The following TMEM132B variants were observed in gnomAD, a reference collection of about 807,000 sequenced individuals.
The protein encoded by TMEM132B is transmembrane protein 132B.
In TMEM132B, 18 loss-of-function variants were observed where a neutral mutation model predicts 90.8. The ratio of observed to expected loss-of-function variants is 0.20; its 90% confidence interval spans 0.14 to 0.29. TMEM132B has a LOEUF of 0.29. Ranked by LOEUF, TMEM132B falls within the 10% of genes least tolerant of loss-of-function variation. The probability of loss-of-function intolerance (pLI) is 1.00; values close to 1 mark genes in which losing one functional copy is unlikely to be tolerated. For missense variants in TMEM132B, 1,096 were observed against 1,326.8 expected, an observed-to-expected ratio of 0.83 and a Z score of 2.70; for synonymous variants, 504 against 523.3, an observed-to-expected ratio of 0.96 and a Z score of 0.50.
intron 1 of TMEM132B, among the ~76,000 whole-genome samples, chr12:125,215,656 C>T (rs1025977681): frequency 3.9e-5 from 6 of 152,300 alleles, no homozygotes; most frequent in Non-Finnish European, 5.9e-5. Flanking sequence ...ATTCTCCTGC[C>T]GCAGCCTCCC....
At chr12:125,373,736 A>T (rs1878380851) in intron 2 of TMEM132B, among the ~76,000 whole-genome samples, 1 of 151,920 alleles carries the variant, frequency 6.6e-6, no homozygotes, top group Admixed American at 6.6e-5. Flanking sequence ...CCCCTTTCTA[A>T]CCTGTGTTTT....
At chr12:125,291,265 A>T (rs1289342632) in intron 1 of TMEM132B, among the ~76,000 whole-genome samples, 5 of 152,220 alleles carry the variant, frequency 3.3e-5, no homozygotes, top group African/African-American at 1.2e-4. Context: ...CTAACCTTAG[A>T]CTTTCAACCC....
intron 5 of TMEM132B, among the ~76,000 whole-genome samples, chr12:125,623,080 G>A (rs1033646186): frequency 2.6e-5 from 4 of 152,102 alleles, no homozygotes; most frequent in African/African-American, 9.7e-5. Context: ...CAGTAGGTTC[G>A]GGGAGTGCAG....
intron 4 of TMEM132B, among the ~76,000 whole-genome samples, chr12:125,527,338 C>CATTTACCT (rs1883508326): frequency 7.1e-6 from 1 of 140,660 alleles, no homozygotes; most frequent in Admixed American, 7.0e-5. Flanking sequence ...CCCATCCACC[C>CATTTACCT]TTCCATCCAC....
chr12:125,500,936 GAGGGCCTAAGGATAGGA>G (rs1882681289), intron 3 of TMEM132B, among the ~76,000 whole-genome samples: 1 of 152,208 alleles, frequency 6.6e-6, no homozygotes. Context: ...TAGTAATTGG[GAGGGCCTAAGGATAGGA>G]AGGTTTTGAA....
At chr12:125,220,131 G>A (rs933562066) in intron 1 of TMEM132B, among the ~76,000 whole-genome samples, 1 of 152,208 alleles carries the variant, frequency 6.6e-6, no homozygotes, top group Non-Finnish European at 1.5e-5. Context: ...TAATATACAA[G>A]CAACTACTAA....
intron 5 of TMEM132B, among the ~76,000 whole-genome samples, chr12:125,605,167 C>A (rs1885662706): frequency 6.6e-6 from 1 of 152,210 alleles, no homozygotes; most frequent in Non-Finnish European, 1.5e-5. Flanking sequence ...ACAGCAGACA[C>A]CTTCTGGGCA....
intron 1 of TMEM132B, among the ~76,000 whole-genome samples, chr12:125,222,347 G>A (rs762836572): frequency 2.0e-5 from 3 of 152,176 alleles, no homozygotes; most frequent in Admixed American, 1.3e-4. Context: ...AGGAAAATAA[G>A]GGAGAATTGC....
chr12:125,530,966 T>C (rs1046868429), intron 4 of TMEM132B, among the ~76,000 whole-genome samples: 6 of 152,328 alleles, frequency 3.9e-5, no homozygotes, highest in Non-Finnish European at 7.3e-5. Flanking sequence ...CATTAACCAC[T>C]TAGATCCGGG....
intron 3 of TMEM132B, among the ~76,000 whole-genome samples, chr12:125,454,779 G>A (rs748948919): frequency 6.6e-6 from 1 of 152,164 alleles, no homozygotes; most frequent in Non-Finnish European, 1.5e-5. Flanking sequence ...TTAACAAGTG[G>A]ATATGATGCC....
intron 2 of TMEM132B, among the ~76,000 whole-genome samples, chr12:125,392,060 C>T (rs1264822566): frequency 6.6e-6 from 1 of 152,200 alleles, no homozygotes; most frequent in East Asian, 1.9e-4. Flanking sequence ...AGCCACTGTG[C>T]CCGGCCTTAG....
At chr12:125,652,420 G>A (rs1434229883) in intron 7 of TMEM132B, 21 bp from the exon 8 acceptor site, 3 of 1,562,992 alleles carry the variant, frequency 1.9e-6, no homozygotes, top group African/African-American at 2.7e-5. Context: ...AGATGCATGA[G>A]TCTCCTCGCT....
intron 3 of TMEM132B, among the ~76,000 whole-genome samples, chr12:125,464,465 T>C (rs879753098): frequency 1.3e-5 from 2 of 152,186 alleles, no homozygotes; most frequent in Non-Finnish European, 2.9e-5. Context: ...AGACTGTTGC[T>C]TGTCATTTCC....
intron 3 of TMEM132B, among the ~76,000 whole-genome samples, chr12:125,437,440 G>A (rs1045114211): frequency 1.3e-5 from 2 of 152,302 alleles, no homozygotes; most frequent in East Asian, 3.9e-4. Context: ...GTGCTTTTGG[G>A]TAGGTGCCTA....
chr12:125,658,244 C>T lies in TMEM132B; in HGVS notation c.*3534C>T, dbSNP rs1887116735. On this transcript the variant is annotated 3_prime_UTR_variant, in exon 9 of 9. Coordinates refer to ENST00000682704, the MANE Select transcript of TMEM132B (RefSeq NM_001366854.1). The stretch of plus-strand genomic sequence containing the variant: ...TTTGTCCCATTGCCACATCTGTAGA[C>T]TAAGTAATTTTTAACTTGCTAACTT... 1 of 152,230 alleles carries T rather than the reference C, an allele frequency of 6.6e-6. No individual in the cohort carries two copies. Among genetic ancestry groups the T allele is most frequent in the African/African-American group, 2.4e-5 (1 of 41,462 alleles). The allele number at this position is 152,230 out of a possible 1,614,324, so 9.4% of individuals were successfully genotyped here. A position where few individuals can be genotyped will look rare whatever the true frequency, so the allele number is the denominator to read the frequency against.
chr12:125,640,929 GACACACACAC>G (rs60088908), intron 5 of TMEM132B, among the ~76,000 whole-genome samples: 15,635 of 149,394 alleles, frequency 0.1, 1,058 homozygotes, highest in South Asian at 0.21. Flanking sequence ...AGGAGAAATA[GACACACACAC>G]ACACACACAC....
intron 2 of TMEM132B, among the ~76,000 whole-genome samples, chr12:125,363,110 C>T (rs1169645589): frequency 6.6e-6 from 1 of 152,174 alleles, no homozygotes; most frequent in Non-Finnish European, 1.5e-5. Context: ...GGTAGAGTGG[C>T]TCAGAGCTTG....
chr12:125,366,997 C>T (rs1313233063), intron 2 of TMEM132B, among the ~76,000 whole-genome samples: 1 of 152,122 alleles, frequency 6.6e-6, no homozygotes, highest in Non-Finnish European at 1.5e-5. Context: ...AGTTTTCGAT[C>T]TAGACTTTCC....
intron 1 of TMEM132B, among the ~76,000 whole-genome samples, chr12:125,287,827 A>G (rs1875404899): frequency 6.6e-6 from 1 of 152,118 alleles, no homozygotes; most frequent in South Asian, 2.1e-4. Flanking sequence ...ACATTATTCT[A>G]TACCTCTTAG....
Sources: gnomAD v4.1 joint callset for allele counts (sites outside exome capture counted in the v4.1 genomes callset) on GRCh38, gnomAD v4.1.1 for gene constraint, MANE v1.5 for transcripts, NCBI Gene and HGNC (gene_info 2026-07-23, HGNC 2026-07-21) for gene names.